AGBL5: variants seen among roughly 807,000 people sequenced by gnomAD.
AGBL5 encodes AGBL carboxypeptidase 5.
A neutral mutation model predicts 88.0 loss-of-function variants in AGBL5; 51 were observed. That is an observed-to-expected ratio of 0.58 (90% CI 0.46 to 0.73). AGBL5 has a LOEUF of 0.73. AGBL5 is among the 30% of genes least tolerant of loss of function. AGBL5 has a pLI of 0.00. For missense variants in AGBL5, 1,031 were observed against 1,162.2 expected (o/e 0.89, Z 1.64); for synonymous variants, 446 against 438.8 (o/e 1.02, Z -0.21).
In AGBL5 at chr2:27,070,393, C is replaced by A; in HGVS notation, c.*130C>A. The A allele has an allele frequency of 1.1e-6, 1 of 938,602 alleles. No individual in the cohort carries two copies. The highest frequency in any genetic ancestry group is 1.5e-5 in the South Asian group (1 of 64,836). 58.1% of individuals were successfully genotyped at this position (938,602 alleles called of 1,614,324 possible). A position where few individuals can be genotyped will look rare whatever the true frequency, so the allele number is the denominator to read the frequency against. On this transcript the variant is annotated 3_prime_UTR_variant, in exon 15 of 15. Transcript: ENST00000360131. ...GTCCTTGGAATGCCAGCCACGCTGT[C>A]CAAGGCATTACAGAGTATCACCTTG...
chr2:27,056,109 G>A lies in AGBL5; in HGVS notation c.1336G>A (p.Gly446Arg), dbSNP rs769092977. Residue 446 changes from glycine to arginine, a missense_variant, in exon 7 of 15, where the codon GGA becomes AGA. By Grantham distance (125) the Gly-to-Arg change is moderately radical. Coordinates refer to ENST00000360131, the MANE Select transcript of AGBL5 (RefSeq NM_021831.6). ...HASKRGCFMY[G>R]NSFSDESTQV... Reference sequence around the variant, plus strand: ...TTCCAAAAGGGGCTGCTTCATGTACGGAAACAGCTTTAGTGATGAGAGCAC... The same window carrying A: ...TTCCAAAAGGGGCTGCTTCATGTACAGAAACAGCTTTAGTGATGAGAGCAC... The A allele has an allele frequency of 5.6e-6, 9 of 1,613,478 alleles. No homozygotes were observed. Among genetic ancestry groups the A allele is most frequent in the Non-Finnish European group, 7.6e-6 (9 of 1,179,516 alleles).
At position 27,058,507 on chromosome 2, in the gene AGBL5, G is replaced by A; in HGVS notation, c.1779G>A (p.Met593Ile). 5 of 1,614,202 alleles carry A rather than the reference G, an allele frequency of 3.1e-6. No homozygotes were observed. The highest frequency in any genetic ancestry group is 4.2e-6 in the Non-Finnish European group (5 of 1,180,038). Reference sequence around the variant, plus strand: ...GCCTTACTAATCTACGGGCCTGGATGCTGAAACATGTACGCAACAGCCGAG... The same window carrying A: ...GCCTTACTAATCTACGGGCCTGGATACTGAAACATGTACGCAACAGCCGAG... ...HSSLTNLRAW[M>I]LKHVRNSRGL... The change falls in exon 10 of 15, where the codon ATG becomes ATA. Residue 593 changes from methionine (M) to isoleucine (I), a missense_variant. Physicochemically the swap from Met to Ile is conservative, Grantham distance 10. Coordinates refer to ENST00000360131, the MANE Select transcript of AGBL5 (RefSeq NM_021831.6).
chr2:27,068,054 T>G (rs1405043378), intron 12 of AGBL5, among the ~76,000 whole-genome samples: 2 of 152,206 alleles, frequency 1.3e-5, no homozygotes, highest in African/African-American at 2.4e-5. Context: ...AGCCGTATCA[T>G]TCACACAAAG....
In AGBL5 at chr2:27,059,252, C is replaced by T; in HGVS notation, c.1937C>T (p.Thr646Ile). Residue 646 changes from threonine to isoleucine, a missense_variant, in exon 11 of 15, where the codon ACA (threonine) becomes ATA (isoleucine). Coordinates refer to ENST00000360131, the MANE Select transcript of AGBL5 (RefSeq NM_021831.6). ...LSRARSFSTG[T>I]SAGGSSSSQQ... ...CGGGCACGAAGTTTTAGCACCGGCA[C>T]AAGTGCCGGTGGTAGCAGCAGCAGC... The T allele has an allele frequency of 1.9e-6, 3 of 1,614,234 alleles. No individual in the cohort carries two copies. The highest frequency in any genetic ancestry group is 2.5e-6 in the Non-Finnish European group (3 of 1,180,032).
chr2:27,057,102 C>A, intron 8 of AGBL5: 1 of 599,040 alleles, frequency 1.7e-6, no homozygotes, highest in Non-Finnish European at 2.8e-6. Flanking sequence ...TGTCTTTAGT[C>A]TAGGACTCTA....
In AGBL5 at chr2:27,056,751, C is replaced by T. The variant is rs144999098; in HGVS notation, c.1494C>T (p.Ser498=). ...DRRDGQSKEG[S]GRVAIYKASG... is the part of the protein sequence containing the mutation. Reference sequence around the variant, plus strand: ...GAGATGGCCAGTCTAAAGAGGGAAGCGGCCGTGTTGCAATCTACAAAGCCT... The same window carrying T: ...GAGATGGCCAGTCTAAAGAGGGAAGTGGCCGTGTTGCAATCTACAAAGCCT... Residue 498 remains serine, a synonymous_variant, in exon 8 of 15, where the codon AGC becomes AGT. Transcript: ENST00000360131. 49 of 1,612,906 alleles carry T rather than the reference C, an allele frequency of 3.0e-5. No homozygotes were observed. The African/African-American group carries it at 4.4e-4, about 14-fold the overall frequency.
At chr2:27,058,672 AG>A in intron 10 of AGBL5, 70 bp downstream of exon 10, 1 of 1,522,040 alleles carries the variant, frequency 6.6e-7, no homozygotes, top group East Asian at 2.3e-5. Context: ...AGGAGTTCCA[AG>A]GGATTTATAT....
Position 27,056,614 on chromosome 2 carries a change from C to T in AGBL5, c.1366-9C>T, listed in dbSNP as rs766994672. The T allele has an allele frequency of 7.6e-6, 12 of 1,588,080 alleles. No homozygotes were observed. The highest frequency in any genetic ancestry group is 1.0e-5 in the Non-Finnish European group (12 of 1,162,644). On this transcript the variant is annotated splice_polypyrimidine_tract_variant and intron_variant, in intron 7 of 14. Transcript: ENST00000360131. ...TCTCCTTCTGAGTTGACTTTTCTTCCCCAAACAGGTGGAAAACATGCTATA... is the reference window on the plus strand; with the variant it reads ...TCTCCTTCTGAGTTGACTTTTCTTCTCCAAACAGGTGGAAAACATGCTATA...
Position 27,059,271 on chromosome 2 carries a change from C to T in AGBL5, c.1956C>T (p.Ser652=). The T allele has an allele frequency of 1.2e-6, 2 of 1,614,214 alleles. No homozygotes were observed. The highest frequency in any genetic ancestry group is 8.5e-7 in the Non-Finnish European group (1 of 1,180,028). The part of the protein sequence containing the change: ...FSTGTSAGGS[S]SSQQNSPQMK... ...CCGGCACAAGTGCCGGTGGTAGCAG[C>T]AGCAGCCAACAAAATTCTCCACAGA... The change falls in exon 11 of 15, where the codon AGC becomes AGT. Residue 652 remains serine (S), a synonymous_variant. Transcript: ENST00000360131.
upstream of AGBL5, among the ~76,000 whole-genome samples, chr2:27,050,767 C>A (rs749991620): frequency 6.6e-6 from 1 of 152,010 alleles, no homozygotes; most frequent in African/African-American, 2.4e-5. Flanking sequence ...TCAGCAGCAT[C>A]TTATCGCAGC....
intron 11 of AGBL5, among the ~76,000 whole-genome samples, chr2:27,067,271 A>C (rs1009123342): frequency 2.0e-5 from 3 of 151,738 alleles, no homozygotes; most frequent in African/African-American, 7.3e-5. Flanking sequence ...AAAAAAAAAA[A>C]AAAACTAGCA....
At chr2:27,054,131 C>T in intron 4 of AGBL5, 72 bp downstream of exon 4, 1 of 1,494,452 alleles carries the variant, frequency 6.7e-7, no homozygotes, top group Non-Finnish European at 9.0e-7. Flanking sequence ...CTGGAATTTG[C>T]TCTTAGAGCT....
chr2:27,060,166 T>G (rs1558419764), intron 11 of AGBL5, among the ~76,000 whole-genome samples: 1 of 152,000 alleles, frequency 6.6e-6, no homozygotes, highest in African/African-American at 2.4e-5. Flanking sequence ...GAAAAGAAAG[T>G]GATATCAGAA....
chr2:27,059,466 G>GT, intron 11 of AGBL5, 62 bp downstream of exon 11: 1 of 1,605,306 alleles, frequency 6.2e-7, no homozygotes, highest in Non-Finnish European at 8.5e-7. Context: ...GCTGGGGGAA[G>GT]TAAGAGCTTG....
intron 10 of AGBL5, among the ~76,000 whole-genome samples, chr2:27,058,940 A>C (rs549744621): frequency 7.2e-4 from 110 of 152,326 alleles, no homozygotes; most frequent in African/African-American, 2.6e-3. Flanking sequence ...GGTCAGTGCC[A>C]AGGCAGTAGG....
chr2:27,056,358 A>T (rs1218733281), intron 7 of AGBL5: 2 of 619,232 alleles, frequency 3.2e-6, no homozygotes, highest in East Asian at 5.6e-5. Context: ...AGCTAACTGC[A>T]TTATAGTCTG....
At position 27,053,349 on chromosome 2, in the gene AGBL5, C is replaced by G; in HGVS notation, c.216-53C>G. 1 of 1,587,690 alleles carries G rather than the reference C, an allele frequency of 6.3e-7. No individual in the cohort carries two copies. Among genetic ancestry groups the G allele is most frequent in the Non-Finnish European group, 8.6e-7 (1 of 1,165,012 alleles). The stretch of plus-strand genomic sequence containing the variant: ...GGCTGGCTCCGGCTCTCCCACAGAC[C>G]ATATCTCCAACCCTTCCACACGTAA... On this transcript the variant is annotated intron_variant, in intron 2 of 14. Transcript: ENST00000360131. This position sits in a 1 kb window ranked among gnomAD's most constrained non-coding sequence, Gnocchi z 4.9.
At chr2:27,067,252 TAAA>T (rs36064257) in intron 11 of AGBL5, among the ~76,000 whole-genome samples, 1 of 104,476 alleles carries the variant, frequency 9.6e-6, no homozygotes, top group African/African-American at 3.7e-5. Flanking sequence ...TGGAAACCTT[TAAA>T]AAAAAAAAAA....
chr2:27,053,396 C>T lies in AGBL5; in HGVS notation c.216-6C>T, dbSNP rs377143351. 1.2e-6 allele frequency: 2 copies of T among 1,613,560 alleles called. No individual in the cohort carries two copies. Among genetic ancestry groups the T allele is most frequent in the East Asian group, 2.2e-5 (1 of 44,892 alleles). ...GTAATGACCTCTCTCTTACTCTGGT[C>T]CTCAGGTCATGGTTCTACTTCAGCG... On this transcript the variant is annotated splice_region_variant and splice_polypyrimidine_tract_variant and intron_variant, in intron 2 of 14. Coordinates refer to ENST00000360131, the MANE Select transcript of AGBL5 (RefSeq NM_021831.6). The surrounding 1 kb of genome is among the most constrained non-coding windows in gnomAD (Gnocchi z 4.9).
Sources: gnomAD v4.1 joint callset for allele counts (sites outside exome capture counted in the v4.1 genomes callset) on GRCh38, gnomAD v4.1.1 for gene constraint, Gnocchi (gnomAD v3.1) non-coding constraint, MANE v1.5 for transcripts, NCBI Gene and HGNC (gene_info 2026-07-23, HGNC 2026-07-21) for gene names.